PRKG1: variants seen among roughly 807,000 people sequenced by gnomAD.
The protein encoded by PRKG1 is protein kinase cGMP-dependent 1.
In PRKG1, 35 loss-of-function variants were observed where a neutral mutation model predicts 88.1. That is an observed-to-expected ratio of 0.40 (90% CI 0.30 to 0.53). The LOEUF (loss-of-function observed/expected upper bound fraction) is 0.53. Ranked by LOEUF, PRKG1 falls within the 20% of genes least tolerant of loss-of-function variation. The probability of loss-of-function intolerance (pLI) is 0.59; values close to 1 mark genes in which losing one functional copy is unlikely to be tolerated. For missense variants in PRKG1, 540 were observed against 839.8 expected, an observed-to-expected ratio of 0.64 and a Z score of 4.41; for synonymous variants, 303 against 292.5, an observed-to-expected ratio of 1.04 and a Z score of -0.37.
chr10:52,159,164 A>G lies in PRKG1; in HGVS notation c.1002-2725A>G, dbSNP rs562349514. ...TCCATTCAGTTTTAATTTTTTTATA[A>G]TCAAAAATCAATTACATTTCAAATG... On this transcript the variant is annotated intron_variant, in intron 8 of 17. Transcript: ENST00000373980. Among the ~76,000 whole-genome samples the G allele has an allele frequency of 2.2e-3, 334 of 151,582 alleles. 1 individual carries two copies. The highest frequency in any genetic ancestry group is 4.3e-3 in the Non-Finnish European group (288 of 67,612).
chr10:52,081,383 A>C lies in PRKG1; in HGVS notation c.935+18752A>C, dbSNP rs565710176. On this transcript the variant is annotated intron_variant, in intron 7 of 17. Transcript: ENST00000373980. ...CCATGCAGGGTTCATATAAGTGTTA[A>C]ATGAGAGAAGTAAAACACCCATCAA... Among the ~76,000 whole-genome samples the C allele has an allele frequency of 5.9e-5, 9 of 152,298 alleles. No individual in the cohort carries two copies. In the South Asian group the frequency reaches 1.9e-3, roughly 32 times the overall value.
chr10:51,622,092 A>G (rs902844699), intron 3 of PRKG1, among the ~76,000 whole-genome samples: 3 of 152,226 alleles, frequency 2.0e-5, no homozygotes, highest in Non-Finnish European at 4.4e-5. Context: ...TCTGCTTCAA[A>G]GTGTAAATCA....
Position 51,712,751 on chromosome 10 carries a change from G to A in PRKG1, c.593-91834G>A, listed in dbSNP as rs887124610. ...ACTATAGGCGCCCGCCACCACGCCC[G>A]GCTAATTTTTTGTATTTTTAGTAGA... On this transcript the variant is annotated intron_variant, in intron 3 of 17. Coordinates refer to ENST00000373980, the MANE Select transcript of PRKG1 (RefSeq NM_006258.4). Among the ~76,000 whole-genome samples the A allele has an allele frequency of 4.0e-5, 6 of 151,696 alleles. No individual in the cohort carries two copies. The East Asian group carries it at 9.7e-4, about 25-fold the overall frequency.
chr10:51,329,348 T>A lies in PRKG1; in HGVS notation c.479-138375T>A, dbSNP rs1167133029. On this transcript the variant is annotated intron_variant, in intron 2 of 17. Transcript: ENST00000373980. ...CCCCTTTGCCCTTATATACTCTTGGTGCCTTTGTCATAAATCAGTTGGCTG... is the reference window on the plus strand; with the variant it reads ...CCCCTTTGCCCTTATATACTCTTGGAGCCTTTGTCATAAATCAGTTGGCTG... 2.0e-5 allele frequency among the ~76,000 whole-genome samples: 3 copies of A among 152,200 alleles called. No individual in the cohort carries two copies. In the East Asian group the frequency reaches 5.8e-4, roughly 29 times the overall value.
intron 3 of PRKG1, among the ~76,000 whole-genome samples, chr10:51,780,611 C>T (rs1429197068): frequency 6.6e-6 from 1 of 152,008 alleles, no homozygotes; most frequent in Non-Finnish European, 1.5e-5. Context: ...CATTTCTGGA[C>T]CCTATAATTG....
At chr10:51,694,149 C>T (rs1011647285) in intron 3 of PRKG1, among the ~76,000 whole-genome samples, 3 of 152,134 alleles carry the variant, frequency 2.0e-5, no homozygotes, top group African/African-American at 7.2e-5. Context: ...CAGTGAGAGA[C>T]TGACATTCTT....
At chr10:51,547,603 C>A (rs1161887128) in intron 3 of PRKG1, among the ~76,000 whole-genome samples, 1 of 151,974 alleles carries the variant, frequency 6.6e-6, no homozygotes, top group Non-Finnish European at 1.5e-5. Context: ...CAAGTCCTTA[C>A]AGCAATTAGA....
chr10:51,153,902 C>T (rs1219462152), intron 2 of PRKG1, among the ~76,000 whole-genome samples: 6 of 151,976 alleles, frequency 3.9e-5, no homozygotes, highest in African/African-American at 7.2e-5. Context: ...AACTGAGGCA[C>T]GCACTGTGTA....
At chr10:52,102,919 A>G (rs1847330190) in intron 7 of PRKG1, among the ~76,000 whole-genome samples, 1 of 152,184 alleles carries the variant, frequency 6.6e-6, no homozygotes, top group African/African-American at 2.4e-5. Context: ...CTCCTGGGCC[A>G]TGGACTGTTA....
At chr10:52,268,299 A>G (rs77908423) in intron 10 of PRKG1, among the ~76,000 whole-genome samples, 3,118 of 152,188 alleles carry the variant, frequency 0.02, 33 homozygotes, top group Non-Finnish European at 0.032. Flanking sequence ...GGCAACTAGT[A>G]AGCCTGACTC....
chr10:51,842,873 A>G (rs902655563), intron 4 of PRKG1, among the ~76,000 whole-genome samples: 1 of 151,976 alleles, frequency 6.6e-6, no homozygotes, highest in African/African-American at 2.4e-5. Flanking sequence ...GCAATTAAAA[A>G]TATTTCTTAC....
intron 3 of PRKG1, among the ~76,000 whole-genome samples, chr10:51,522,240 G>A (rs61369320): frequency 6.6e-6 from 1 of 152,138 alleles, no homozygotes; most frequent in South Asian, 2.1e-4. Flanking sequence ...ATATGATCAT[G>A]TTTTGTGTTT....
intron 5 of PRKG1, among the ~76,000 whole-genome samples, chr10:51,942,550 T>G (rs934848553): frequency 6.7e-6 from 1 of 149,346 alleles, no homozygotes; most frequent in South Asian, 2.2e-4. Context: ...TGAATAGTAA[T>G]GCCTAGGTTT....
At chr10:51,844,195 G>A (rs1226136263) in intron 4 of PRKG1, among the ~76,000 whole-genome samples, 1 of 152,128 alleles carries the variant, frequency 6.6e-6, no homozygotes, top group Non-Finnish European at 1.5e-5. Flanking sequence ...TGGCAATCAT[G>A]AGCCATAATT....
At chr10:51,628,587 C>T (rs1179752324) in intron 3 of PRKG1, among the ~76,000 whole-genome samples, 1 of 152,294 alleles carries the variant, frequency 6.6e-6, no homozygotes, top group South Asian at 2.1e-4. Context: ...TTTCCTATTT[C>T]TTTTCTCCAT....
chr10:51,685,509 A>G (rs927640950), intron 3 of PRKG1, among the ~76,000 whole-genome samples: 5 of 152,084 alleles, frequency 3.3e-5, no homozygotes, highest in Non-Finnish European at 5.9e-5. Flanking sequence ...CACTCCCCCT[A>G]ATCTTGTGGC....
intron 3 of PRKG1, among the ~76,000 whole-genome samples, chr10:51,673,106 T>C (rs181210812): frequency 1.8e-3 from 271 of 152,314 alleles, no homozygotes; most frequent in African/African-American, 6.4e-3. Flanking sequence ...ACTCTAGTTT[T>C]ATTCATTCTT....
At chr10:51,217,992 C>G (rs1014420105) in intron 2 of PRKG1, among the ~76,000 whole-genome samples, 1 of 152,076 alleles carries the variant, frequency 6.6e-6, no homozygotes, top group African/African-American at 2.4e-5. Context: ...ACTATGGCTT[C>G]AGCACTTGTA....
intron 1 of PRKG1, among the ~76,000 whole-genome samples, chr10:51,076,944 C>T (rs1708711230): frequency 6.6e-6 from 1 of 152,098 alleles, no homozygotes; most frequent in Non-Finnish European, 1.5e-5. Context: ...CTTTGGGTGA[C>T]TCTGAAGTAT....
Sources: gnomAD v4.1 joint callset for allele counts (sites outside exome capture counted in the v4.1 genomes callset) on GRCh38, gnomAD v4.1.1 for gene constraint, MANE v1.5 for transcripts, NCBI Gene and HGNC (gene_info 2026-07-23, HGNC 2026-07-21) for gene names.